The following PTPRJ variants were observed in gnomAD, a reference collection of about 807,000 sequenced individuals.
The protein encoded by PTPRJ is protein tyrosine phosphatase receptor type J.
PTPRJ carries 129 observed loss-of-function variants against 141.3 expected under a neutral mutation model. That is an observed-to-expected ratio of 0.91 (90% CI 0.79 to 1.06). The LOEUF is 1.06. Ranked by LOEUF, PTPRJ falls within the 50% of genes least tolerant of loss-of-function variation. PTPRJ has a pLI of 0.00. For synonymous variants in PTPRJ, 610 were observed against 640.5 expected (o/e 0.95, Z 0.72); for missense variants, 1,601 against 1,679.7 (o/e 0.95, Z 0.82).
chr11:48,079,452 G>C (rs1855502420), intron 1 of PTPRJ, among the ~76,000 whole-genome samples: 1 of 152,196 alleles, frequency 6.6e-6, no homozygotes, highest in African/African-American at 2.4e-5. Context: ...GAGTGATGCT[G>C]AGCTAGTCTT....
At chr11:48,123,145 G>A (rs567724939) in intron 4 of PTPRJ, among the ~76,000 whole-genome samples, 23 of 152,324 alleles carry the variant, frequency 1.5e-4, no homozygotes, top group Admixed American at 4.6e-4. Context: ...TGAATGTGCT[G>A]CTTACTTGAA....
At chr11:48,121,517 C>CACCT (rs1356704999) in intron 4 of PTPRJ, among the ~76,000 whole-genome samples, 1 of 152,186 alleles carries the variant, frequency 6.6e-6, no homozygotes, top group Non-Finnish European at 1.5e-5. Flanking sequence ...TGTTGGTTAA[C>CACCT]ACCTACCTTT....
At chr11:48,163,670 T>C (rs1254514268) in intron 23 of PTPRJ, 52 bp downstream of exon 23, 7 of 1,545,154 alleles carry the variant, frequency 4.5e-6, no homozygotes, top group Non-Finnish European at 6.2e-6. Context: ...ATTATATATT[T>C]ATGAGCACTT....
At chr11:48,123,495 C>T (rs1306282341) in intron 4 of PTPRJ, 118 bp from the exon 5 acceptor site, 1 of 1,028,642 alleles carries the variant, frequency 9.7e-7, no homozygotes, top group East Asian at 2.6e-5. Flanking sequence ...TCAGTGACCT[C>T]AGTCATTCTT....
chr11:48,065,776 A>C (rs1855067467), intron 1 of PTPRJ, among the ~76,000 whole-genome samples: 1 of 152,182 alleles, frequency 6.6e-6, no homozygotes. Context: ...CCCCTGTTAC[A>C]GGGTGGAGAG....
chr11:48,133,492 C>T (rs1302627335), intron 8 of PTPRJ, among the ~76,000 whole-genome samples: 1 of 152,070 alleles, frequency 6.6e-6, no homozygotes, highest in Non-Finnish European at 1.5e-5. Context: ...AGGGGGGTTA[C>T]CTTTCTATTA....
At chr11:48,124,941 T>A (rs1387216020) in intron 5 of PTPRJ, 27 bp from the exon 6 acceptor site, 3 of 1,608,302 alleles carry the variant, frequency 1.9e-6, no homozygotes. Context: ...GTGGTTGATG[T>A]CTTTTTGTCT....
chr11:48,029,857 A>G (rs879296153), intron 1 of PTPRJ, among the ~76,000 whole-genome samples: 11 of 152,336 alleles, frequency 7.2e-5, no homozygotes, highest in Middle Eastern at 6.8e-3. Flanking sequence ...GATGAACAGT[A>G]CTGTTTTCTA....
At chr11:48,078,818 T>TTG (rs1491060249) in intron 1 of PTPRJ, among the ~76,000 whole-genome samples, 1 of 98,082 alleles carries the variant, frequency 1.0e-5, no homozygotes, top group Non-Finnish European at 2.3e-5. Context: ...TTTTTTTTTT[T>TTG]TGTGGAACAC....
intron 1 of PTPRJ, among the ~76,000 whole-genome samples, chr11:48,088,063 C>A (rs1210577439): frequency 6.6e-6 from 1 of 152,006 alleles, no homozygotes; most frequent in Non-Finnish European, 1.5e-5. Flanking sequence ...GCTTTGAAAC[C>A]CCTCTAGCAG....
intron 1 of PTPRJ, among the ~76,000 whole-genome samples, chr11:48,029,807 A>G (rs751995341): frequency 3.3e-5 from 5 of 152,204 alleles, no homozygotes; most frequent in African/African-American, 7.2e-5. Flanking sequence ...TTTGCTAAAC[A>G]TATCTTTAGC....
chr11:48,137,168 C>T lies in PTPRJ; in HGVS notation c.2039C>T (p.Thr680Ile), dbSNP rs770974762. Residue 680 changes from threonine (T) to isoleucine (I), a missense_variant, in exon 10 of 25, where the codon ACT (threonine) becomes ATT (isoleucine). Thr to Ile is a moderately conservative substitution (Grantham distance 89). Transcript: ENST00000418331. ...ATQVVTDIGI[T>I]DATVTELIPG... Reference sequence around the variant, plus strand: ...CAAGTAGTCACGGACATTGGAATTACTGACGCTACAGTCACTGAATTAATA... The same window carrying T: ...CAAGTAGTCACGGACATTGGAATTATTGACGCTACAGTCACTGAATTAATA... 1.2e-6 allele frequency: 2 copies of T among 1,613,028 alleles called. No individual in the cohort carries two copies. The highest frequency in any genetic ancestry group is 3.3e-5 in the Admixed American group (2 of 60,030).
intron 1 of PTPRJ, among the ~76,000 whole-genome samples, chr11:48,074,330 A>T (rs1338029617): frequency 6.6e-6 from 1 of 152,230 alleles, no homozygotes; most frequent in Non-Finnish European, 1.5e-5. Flanking sequence ...TAGTATTGAC[A>T]TGTTGGAACC....
chr11:48,049,855 TACA>T (rs1368701256), intron 1 of PTPRJ, among the ~76,000 whole-genome samples: 3 of 152,178 alleles, frequency 2.0e-5, no homozygotes, highest in Non-Finnish European at 4.4e-5. Flanking sequence ...AAAATTAAAT[TACA>T]CTGCAGGCCT....
chr11:48,160,214 G>A (rs1857733281), intron 22 of PTPRJ, among the ~76,000 whole-genome samples, 165 bp downstream of exon 22: 1 of 152,170 alleles, frequency 6.6e-6, no homozygotes, highest in South Asian at 2.1e-4. Context: ...TATACTCCAA[G>A]GCAACCCCTT....
intron 7 of PTPRJ, among the ~76,000 whole-genome samples, chr11:48,129,575 T>G (rs1331579224): frequency 6.6e-6 from 1 of 152,110 alleles, no homozygotes; most frequent in African/African-American, 2.4e-5. Context: ...GGAGCACAAG[T>G]CAGCTCATAA....
chr11:48,163,884 T>C (rs920922231), intron 23 of PTPRJ, among the ~76,000 whole-genome samples: 3 of 152,210 alleles, frequency 2.0e-5, no homozygotes, highest in Admixed American at 6.5e-5. Flanking sequence ...TATTTATATA[T>C]TGTTTATGGT....
chr11:48,056,087 T>C (rs996488475), intron 1 of PTPRJ, among the ~76,000 whole-genome samples: 8 of 152,216 alleles, frequency 5.3e-5, no homozygotes, highest in African/African-American at 1.4e-4. Flanking sequence ...TATCACACAC[T>C]GTGGATAAAG....
At chr11:48,131,874 T>G (rs1038285194) in intron 8 of PTPRJ, 3 of 220,868 alleles carry the variant, frequency 1.4e-5, no homozygotes, top group Non-Finnish European at 2.6e-5. Context: ...AAAATGTTAT[T>G]TGGCTTTTTC....
Sources: allele counts gnomAD v4.1 joint callset (sites outside exome capture counted in the v4.1 genomes callset), GRCh38; gene constraint gnomAD v4.1.1; transcripts MANE v1.5; gene names NCBI Gene and HGNC (gene_info 2026-07-23, HGNC 2026-07-21).